The following DOLK variants were observed in gnomAD, a reference collection of about 807,000 sequenced individuals.
The protein encoded by DOLK is dolichol kinase.
DOLK carries 20 observed loss-of-function variants against 31.7 expected under a neutral mutation model. The observed-to-expected ratio is 0.63, with a 90% CI of 0.44 to 0.92. DOLK has a LOEUF of 0.92. Among genes scored for constraint, DOLK ranks in the 40% least tolerant of loss-of-function variants. The pLI, the probability that DOLK is intolerant of heterozygous loss-of-function variation, is 0.00. For missense variants in DOLK, 594 were observed against 680.7 expected (o/e 0.87, Z 1.42); for synonymous variants, 309 against 287.0 (o/e 1.08, Z -0.77).
Position 128,945,981 on chromosome 9 carries a change from A to C in DOLK, c.1323T>G (p.Tyr441Ter). 1 of 1,614,176 alleles carries C rather than the reference A, an allele frequency of 6.2e-7. No individual in the cohort carries two copies. Among genetic ancestry groups the C allele is most frequent in the Non-Finnish European group, 8.5e-7 (1 of 1,180,034 alleles). Reference sequence around the variant, plus strand: ...CCACACCCACAGCCAGGACACCGGCATAGGGGACGAGGGCCCTGGCTCCTC... The same window carrying C: ...CCACACCCACAGCCAGGACACCGGCCTAGGGGACGAGGGCCCTGGCTCCTC... Reference protein sequence around the residue: ...SLGGARALVPYAGVLAVGVGD... With the variant: ...SLGGARALVP Residue 441 changes from tyrosine to a stop codon, truncating the protein, a stop_gained, in exon 1 of 1, where the codon TAT becomes TAG. Transcript: ENST00000372586. LOFTEE classifies it high-confidence loss of function.
chr9:128,947,012 G>A lies in DOLK; in HGVS notation c.292C>T (p.Arg98Trp), dbSNP rs747555089. ...MPLLGLVMKERCQTAGNPFFE... is the reference protein window; with the variant it reads ...MPLLGLVMKEWCQTAGNPFFE... ...AACGGGTTCCCAGCAGTCTGGCACC[G>A]CTCCTTCATGACTAGTCCAAGCAAA... Residue 98 changes from arginine (R) to tryptophan (W), a missense_variant, in exon 1 of 1, where the codon CGG (arginine) becomes TGG (tryptophan). Arg to Trp is a moderately radical substitution (Grantham distance 101). Transcript: ENST00000372586. 4.3e-6 allele frequency: 7 copies of A among 1,610,952 alleles called. No individual in the cohort carries two copies. In the South Asian group the frequency reaches 4.4e-5, roughly 10 times the overall value.
rs1167712176 is a variant in DOLK at position 128,946,245 on chromosome 9, G to A, written c.1059C>T (p.Ile353=). The A allele has an allele frequency of 1.2e-6, 2 of 1,614,148 alleles. No homozygotes were observed. Among genetic ancestry groups the A allele is most frequent in the Admixed American group, 1.7e-5 (1 of 60,018 alleles). ...CTACATAGAGCAGTGGCCGGTCAAA[G>A]ATGATACCTGGGATGTAGGTGGCTA... ...IVVATYIPGI[I]FDRPLLYVAA... is the part of the protein sequence containing the mutation. Residue 353 remains isoleucine, a synonymous_variant, in exon 1 of 1, where the codon ATC becomes ATT. Coordinates refer to ENST00000372586, the MANE Select transcript of DOLK (RefSeq NM_014908.4).
At position 128,947,077 on chromosome 9, in the gene DOLK, G is replaced by A; in HGVS notation, c.227C>T (p.Ser76Phe). 6.2e-7 allele frequency: 1 copy of A among 1,613,976 alleles called. No homozygotes were observed. The highest frequency in any genetic ancestry group is 8.5e-7 in the Non-Finnish European group (1 of 1,180,018). Residue 76 changes from serine (S) to phenylalanine (F), a missense_variant, in exon 1 of 1, where the codon TCC (serine) becomes TTC (phenylalanine). By Grantham distance (155) the Ser-to-Phe change is radical (BLOSUM62 -2). Coordinates refer to ENST00000372586, the MANE Select transcript of DOLK (RefSeq NM_014908.4). ...GGCGGGCAATAGGCCACTGTTTGCG[G>A]ACATTCGGAACTGGAAGACGGCGCT... ...QGSAVFQFRM[S>F]ANSGLLPASM... is the part of the protein sequence containing the mutation.
chr9:128,946,678 A>G lies in DOLK; in HGVS notation c.626T>C (p.Ile209Thr), dbSNP rs746723846. Residue 209 changes from isoleucine to threonine, a missense_variant, in exon 1 of 1, where the codon ATC becomes ACC. Transcript: ENST00000372586. ...GGISFVLNQL[I>T]KRSLTLVESQ... ...TTCCACCAGTGTCAGAGAGCGCTTG[A>G]TGAGCTGGTTGAGGACAAAGCTAAT... The G allele has an allele frequency of 6.2e-7, 1 of 1,614,144 alleles. No homozygotes were observed. The highest frequency in any genetic ancestry group is 8.5e-7 in the Non-Finnish European group (1 of 1,180,024).
chr9:128,946,338 C>G lies in DOLK; in HGVS notation c.966G>C (p.Arg322=), dbSNP rs756216195. Reference sequence around the variant, plus strand: ...GGTGCTTCTTGGACTCGGAAGATGACCGCTTGGCATTCTGGTACAGCACCA... The same window carrying G: ...GGTGCTTCTTGGACTCGGAAGATGAGCGCTTGGCATTCTGGTACAGCACCA... ...CLVVLYQNAK[R]SSSESKKHQA... The change falls in exon 1 of 1, where the codon CGG becomes CGC. Residue 322 remains arginine (R), a synonymous_variant. Transcript: ENST00000372586. 1.2e-5 allele frequency: 19 copies of G among 1,614,064 alleles called. No individual in the cohort carries two copies. In the South Asian group the frequency reaches 2.0e-4, roughly 17 times the overall value.
Position 128,946,820 on chromosome 9 carries a change from C to G in DOLK, c.484G>C (p.Gly162Arg), listed in dbSNP as rs1363209239. 1.2e-6 allele frequency: 2 copies of G among 1,613,398 alleles called. No individual in the cohort carries two copies. The highest frequency in any genetic ancestry group is 2.7e-5 in the African/African-American group (2 of 75,024). The change falls in exon 1 of 1, where the codon GGG (glycine) becomes CGG (arginine). Residue 162 changes from glycine to arginine, a missense_variant. Coordinates refer to ENST00000372586, the MANE Select transcript of DOLK (RefSeq NM_014908.4). ...IYIMKHSLSVGEVIEVLEVLL... is the reference protein window; with the variant it reads ...IYIMKHSLSVREVIEVLEVLL... ...ACTTCCAGGACTTCGATCACCTCCC[C>G]CACGCTCAACGAGTGCTTCATGATA... is the stretch of plus-strand genomic sequence containing the variant.
In DOLK at chr9:128,946,212, A is replaced by G. The variant is rs1280785615; in HGVS notation, c.1092T>C (p.Thr364=). The change falls in exon 1 of 1, where the codon ACT becomes ACC. Residue 364 remains threonine, a synonymous_variant. Coordinates refer to ENST00000372586, the MANE Select transcript of DOLK (RefSeq NM_014908.4). The stretch of plus-strand genomic sequence containing the variant: ...GGAAGATGAAGACCGCCAGGCATAC[A>G]GTGGCGGCTACATAGAGCAGTGGCC... The part of the protein sequence containing the change: ...FDRPLLYVAA[T]VCLAVFIFLE... The G allele has an allele frequency of 1.9e-6, 3 of 1,614,114 alleles. No homozygotes were observed. Among genetic ancestry groups the G allele is most frequent in the East Asian group, 2.2e-5 (1 of 44,904 alleles).
chr9:128,947,590 C>A lies in DOLK; in HGVS notation c.-287G>T. 2 of 1,202,594 alleles carry A rather than the reference C, an allele frequency of 1.7e-6. No homozygotes were observed. Among genetic ancestry groups the A allele is most frequent in the Non-Finnish European group, 2.3e-6 (2 of 883,206 alleles). 74.5% of individuals were successfully genotyped at this position (1,202,594 alleles called of 1,614,324 possible). A position where few individuals can be genotyped will look rare whatever the true frequency, so the allele number is the denominator to read the frequency against. On this transcript the variant is annotated 5_prime_UTR_variant, in exon 1 of 1. The change creates a new upstream start codon in the 5' untranslated region. Coordinates refer to ENST00000372586, the MANE Select transcript of DOLK (RefSeq NM_014908.4). Reference sequence around the variant, plus strand: ...CTGCCGGCTCCTCACCTCTTTGGGCCTCGCCATCTTGGCACCGCCCCGCGG... The same window carrying A: ...CTGCCGGCTCCTCACCTCTTTGGGCATCGCCATCTTGGCACCGCCCCGCGG...
Position 128,946,089 on chromosome 9 carries a change from A to G in DOLK, c.1215T>C (p.Ile405=). 6.2e-7 allele frequency: 1 copy of G among 1,614,158 alleles called. No individual in the cohort carries two copies. The highest frequency in any genetic ancestry group is 8.5e-7 in the Non-Finnish European group (1 of 1,180,030). Residue 405 remains isoleucine, a synonymous_variant, in exon 1 of 1, where the codon ATT becomes ATC. Coordinates refer to ENST00000372586, the MANE Select transcript of DOLK (RefSeq NM_014908.4). ...CCAGGAGCAGGTAGATGTGTGTCAG[A>G]ATGAGTGGTCCACTGTCTCGTTCAT... is the stretch of plus-strand genomic sequence containing the variant. ...FLDERDSGPL[I]LTHIYLLLGM...
Position 128,946,805 on chromosome 9 carries a change from C to T in DOLK, c.499G>A (p.Val167Ile). 6.2e-7 allele frequency: 1 copy of T among 1,613,780 alleles called. No individual in the cohort carries two copies. The highest frequency in any genetic ancestry group is 8.5e-7 in the Non-Finnish European group (1 of 1,180,022). The part of the protein sequence containing the change: ...HSLSVGEVIE[V>I]LEVLLIFVYL... ...ACGAAGATCAGAAGGACTTCCAGGA[C>T]TTCGATCACCTCCCCCACGCTCAAC... Residue 167 changes from valine to isoleucine, a missense_variant, in exon 1 of 1, where the codon GTC (valine) becomes ATC (isoleucine). Val to Ile is a conservative substitution (Grantham distance 29). Transcript: ENST00000372586.
rs1430300799 is a variant in DOLK at position 128,946,344 on chromosome 9, G to A, written c.960C>T (p.Ala320=). The change falls in exon 1 of 1, where the codon GCC becomes GCT. Residue 320 remains alanine (A), a synonymous_variant. Transcript: ENST00000372586. ...TCTTGGACTCGGAAGATGACCGCTT[G>A]GCATTCTGGTACAGCACCACCAGGC... ...LACLVVLYQN[A]KRSSSESKKH... The A allele has an allele frequency of 6.2e-7, 1 of 1,614,106 alleles. No homozygotes were observed. Among genetic ancestry groups the A allele is most frequent in the Non-Finnish European group, 8.5e-7 (1 of 1,179,992 alleles).
chr9:128,947,340 C>T lies in DOLK; in HGVS notation c.-37G>A, dbSNP rs764241426. The stretch of plus-strand genomic sequence containing the variant: ...TGGGGCTTCACGGAGGCCGGGGCGA[C>T]TACGGACGCCCTAGACTTCGGGCCC... On this transcript the variant is annotated 5_prime_UTR_variant, in exon 1 of 1. Transcript: ENST00000372586. The T allele has an allele frequency of 6.2e-7, 1 of 1,610,624 alleles. No homozygotes were observed. The highest frequency in any genetic ancestry group is 1.1e-5 in the South Asian group (1 of 90,942).
rs999023298 is a variant in DOLK at position 128,945,931 on chromosome 9, C to A, written c.1373G>T (p.Gly458Val). The A allele has an allele frequency of 1.3e-5, 21 of 1,614,076 alleles. No individual in the cohort carries two copies. Among genetic ancestry groups the A allele is most frequent in the Admixed American group, 5.0e-5 (3 of 59,988 alleles). Residue 458 changes from glycine (G) to valine (V), a missense_variant, in exon 1 of 1, where the codon GGT becomes GTT. Physicochemically the swap from Gly to Val is moderately radical, Grantham distance 109. Coordinates refer to ENST00000372586, the MANE Select transcript of DOLK (RefSeq NM_014908.4). Reference protein sequence around the residue: ...GVGDTVASIFGSTMGEIRWPG... With the variant: ...GVGDTVASIFVSTMGEIRWPG... ...CCAGCGGATCTCCCCCATGGTGCTA[C>A]CGAAGATGGAGGCCACAGTATCACC...
At position 128,947,599 on chromosome 9, in the gene DOLK, T is replaced by C; in HGVS notation, c.-296A>G. The C allele has an allele frequency of 7.9e-7, 1 of 1,270,238 alleles. No homozygotes were observed. The highest frequency in any genetic ancestry group is 1.1e-6 in the Non-Finnish European group (1 of 947,444). 78.7% of individuals were successfully genotyped at this position (1,270,238 alleles called of 1,614,324 possible). ...CCTCACCTCTTTGGGCCTCGCCATC[T>C]TGGCACCGCCCCGCGGCAACGTCAC... On this transcript the variant is annotated 5_prime_UTR_variant, in exon 1 of 1. Coordinates refer to ENST00000372586, the MANE Select transcript of DOLK (RefSeq NM_014908.4).
rs1403792413 is a variant in DOLK at position 128,947,132 on chromosome 9, A to C, written c.172T>G (p.Tyr58Asp). ...TGCTGTAGCAGCCGGTCCCACTTGT[A>C]TTGGACGTAGAAGGCCTGCACTGCG... ...ALAVQAFYVQYKWDRLLQQGS... is the reference protein window; with the variant it reads ...ALAVQAFYVQDKWDRLLQQGS... Residue 58 changes from tyrosine to aspartate, a missense_variant, in exon 1 of 1, where the codon TAC becomes GAC. By Grantham distance (160) the Tyr-to-Asp change is radical. Transcript: ENST00000372586. 1.2e-5 allele frequency: 19 copies of C among 1,613,886 alleles called. No individual in the cohort carries two copies. The highest frequency in any genetic ancestry group is 1.5e-5 in the Non-Finnish European group (18 of 1,179,990).
rs928740685 is a variant in DOLK, at chr9:128,946,736, T to C, written c.568A>G (p.Thr190Ala). 1 of 1,613,882 alleles carries C rather than the reference T, an allele frequency of 6.2e-7. No individual in the cohort carries two copies. Among genetic ancestry groups the C allele is most frequent in the Admixed American group, 1.7e-5 (1 of 59,980 alleles). ...AATACCAGCAGTGCCTCACCAGGGG[T>C]GAAGCAGCGGGGCAGCAGGTACAGC... ...ILLYLLPRCFTPGEALLVLGG... is the reference protein window; with the variant it reads ...ILLYLLPRCFAPGEALLVLGG... Residue 190 changes from threonine (T) to alanine (A), a missense_variant, in exon 1 of 1, where the codon ACC (threonine) becomes GCC (alanine). By Grantham distance (58) the Thr-to-Ala change is moderately conservative (BLOSUM62 0). Coordinates refer to ENST00000372586, the MANE Select transcript of DOLK (RefSeq NM_014908.4).
rs367609050 is a variant in DOLK at position 128,945,747 on chromosome 9, G to A, written c.1557C>T (p.Tyr519=). 2.4e-5 allele frequency: 39 copies of A among 1,614,034 alleles called. No individual in the cohort carries two copies. The highest frequency in any genetic ancestry group is 1.2e-4 in the African/African-American group (9 of 74,914). ...GAAGGAGATTGTCTATCTGTGTAGT[G>A]TATGCTTCCAGGAGGGACACAGTGC... ...SISTVSLLEA[Y]TTQIDNLLLP... The change falls in exon 1 of 1, where the codon TAC becomes TAT. Residue 519 remains tyrosine, a synonymous_variant. Transcript: ENST00000372586.
rs1841700054 is a variant in DOLK at position 128,947,592 on chromosome 9, C to T, written c.-289G>A. On this transcript the variant is annotated 5_prime_UTR_variant, in exon 1 of 1. Coordinates refer to ENST00000372586, the MANE Select transcript of DOLK (RefSeq NM_014908.4). Reference sequence around the variant, plus strand: ...GCCGGCTCCTCACCTCTTTGGGCCTCGCCATCTTGGCACCGCCCCGCGGCA... The same window carrying T: ...GCCGGCTCCTCACCTCTTTGGGCCTTGCCATCTTGGCACCGCCCCGCGGCA... The T allele has an allele frequency of 3.3e-6, 4 of 1,213,276 alleles. No individual in the cohort carries two copies. Among genetic ancestry groups the T allele is most frequent in the Non-Finnish European group, 4.5e-6 (4 of 893,892 alleles). The allele number at this position is 1,213,276 out of a possible 1,614,324, so 75.2% of individuals were successfully genotyped here.
rs773789842 is a variant in DOLK, at chr9:128,946,438, TGAA to T, written c.863_865del (p.Leu288del). ...GCGGGTGTCTGTCTGGAAGAGAAACTGAAGAAGCCAGAGCAGGGGATTCCTGCG... is the reference window on the plus strand; with the variant it reads ...GCGGGTGTCTGTCTGGAAGAGAAACTGAAGCCAGAGCAGGGGATTCCTGCG... On this transcript the variant is annotated inframe_deletion, in exon 1 of 1. Coordinates refer to ENST00000372586, the MANE Select transcript of DOLK (RefSeq NM_014908.4). 1.2e-6 allele frequency: 2 copies of T among 1,613,918 alleles called. No individual in the cohort carries two copies. The highest frequency in any genetic ancestry group is 3.3e-5 in the Admixed American group (2 of 60,010).
Sources: gnomAD v4.1 joint callset for allele counts on GRCh38, gnomAD v4.1.1 for gene constraint, MANE v1.5 for transcripts, NCBI Gene and HGNC (gene_info 2026-07-23, HGNC 2026-07-21) for gene names.